VWA8: variants seen among roughly 807,000 people sequenced by gnomAD.
VWA8 encodes the protein von Willebrand factor A domain-containing protein 8.
In VWA8, 221 loss-of-function variants were observed where a neutral mutation model predicts 241.5. That is an observed-to-expected ratio of 0.91 (90% confidence interval 0.82 to 1.02). The LOEUF is 1.02. Ranked by LOEUF, VWA8 falls within the 50% of genes least tolerant of loss-of-function variation. VWA8 has a pLI of 0.00. For synonymous variants in VWA8, 852 were observed against 827.1 expected (o/e 1.03, Z -0.52); for missense variants, 2,322 against 2,328.7 (o/e 1.00, Z 0.06).
intron 12 of VWA8, among the ~76,000 whole-genome samples, chr13:41,860,884 C>T (rs1051142677): frequency 1.3e-5 from 2 of 152,022 alleles, no homozygotes; most frequent in African/African-American, 4.8e-5. Context: ...AAACCTGACA[C>T]AGAAACAGTA....
intron 36 of VWA8, among the ~76,000 whole-genome samples, chr13:41,673,096 T>C (rs1034277927): frequency 6.6e-6 from 1 of 152,204 alleles, no homozygotes; most frequent in Admixed American, 6.5e-5. Flanking sequence ...TTAAAGAATG[T>C]TTTCCTTATA....
At chr13:41,635,741 C>T (rs922057104) in intron 37 of VWA8, among the ~76,000 whole-genome samples, 4 of 152,020 alleles carry the variant, frequency 2.6e-5, no homozygotes, top group African/African-American at 9.7e-5. Context: ...AGCTCCTACC[C>T]CAGAGGCTAG....
At chr13:41,704,929 A>G (rs980922536) in intron 26 of VWA8, among the ~76,000 whole-genome samples, 3 of 152,236 alleles carry the variant, frequency 2.0e-5, no homozygotes, top group Non-Finnish European at 2.9e-5. Context: ...GATGATCATT[A>G]AAAGAACACG....
chr13:41,787,898 A>G (rs1869278664), intron 17 of VWA8, among the ~76,000 whole-genome samples: 1 of 152,208 alleles, frequency 6.6e-6, no homozygotes, highest in African/African-American at 2.4e-5. Flanking sequence ...AAACAACAAC[A>G]CTTGGCTGTT....
At chr13:41,735,067 A>G (rs1275015485) in intron 21 of VWA8, among the ~76,000 whole-genome samples, 8 of 152,218 alleles carry the variant, frequency 5.3e-5, no homozygotes, top group Non-Finnish European at 1.2e-4. Context: ...GTTTAATTAA[A>G]CTTACTTATA....
chr13:41,614,244 C>T (rs2044607160), intron 38 of VWA8, among the ~76,000 whole-genome samples: 1 of 152,226 alleles, frequency 6.6e-6, no homozygotes, highest in Non-Finnish European at 1.5e-5. Flanking sequence ...CCAAGAGGCA[C>T]AGACCATCCT....
At chr13:41,777,253 CAAAAGGGAGAT>C (rs1476353859) in intron 20 of VWA8, among the ~76,000 whole-genome samples, 1 of 152,000 alleles carries the variant, frequency 6.6e-6, no homozygotes, top group Non-Finnish European at 1.5e-5. Context: ...ACTAGTATGA[CAAAAGGGAGAT>C]AAAAGGGAGT....
chr13:41,745,393 G>C (rs2045597865), intron 21 of VWA8, among the ~76,000 whole-genome samples: 1 of 151,948 alleles, frequency 6.6e-6, no homozygotes, highest in African/African-American at 2.4e-5. Flanking sequence ...TGTGGTGTTT[G>C]GTTTTCTGTC....
intron 9 of VWA8, among the ~76,000 whole-genome samples, chr13:41,870,778 C>T (rs1873562394): frequency 6.6e-6 from 1 of 152,070 alleles, no homozygotes; most frequent in Non-Finnish European, 1.5e-5. Context: ...TCAGAGGACA[C>T]ATATTCCAGA....
intron 12 of VWA8, among the ~76,000 whole-genome samples, chr13:41,859,290 C>T (rs1050150228): frequency 5.3e-5 from 8 of 151,944 alleles, no homozygotes; most frequent in Non-Finnish European, 1.2e-4. Flanking sequence ...AAAATATTTC[C>T]ACTATATTTG....
rs770909963 is a variant in VWA8 at position 41,949,904 on chromosome 13, TATTC to T, written c.241+28_241+31del. 4 of 1,302,908 alleles carry T rather than the reference TATTC, an allele frequency of 3.1e-6. No homozygotes were observed. In the East Asian group the frequency reaches 7.7e-5, roughly 25 times the overall value. 80.7% of individuals were successfully genotyped at this position (1,302,908 alleles called of 1,614,324 possible). Reference sequence around the variant, plus strand: ...ATTCCTATAATGAAAAGTTAAAAGTTATTCATTCATATATTAATAAATATTTCTT... The same window carrying T: ...ATTCCTATAATGAAAAGTTAAAAGTTATTCATATATTAATAAATATTTCTT... On this transcript the variant is annotated intron_variant, in intron 2 of 44. Transcript: ENST00000379310.
At chr13:41,935,744 G>T (rs981917722) in intron 2 of VWA8, among the ~76,000 whole-genome samples, 5 of 151,450 alleles carry the variant, frequency 3.3e-5, no homozygotes, top group Non-Finnish European at 7.4e-5. Context: ...ACCTATAAAG[G>T]TGCTTCAAAT....
intron 33 of VWA8, among the ~76,000 whole-genome samples, chr13:41,689,929 T>G (rs909830439): frequency 2.6e-5 from 4 of 152,096 alleles, no homozygotes; most frequent in Non-Finnish European, 5.9e-5. Flanking sequence ...TAAATGTATA[T>G]AAAAATACTG....
At chr13:41,586,632 G>C (rs1192130792) in intron 42 of VWA8, among the ~76,000 whole-genome samples, 1 of 152,044 alleles carries the variant, frequency 6.6e-6, no homozygotes, top group Non-Finnish European at 1.5e-5. Flanking sequence ...GTTTCTTGTT[G>C]CCTACCTCAT....
chr13:41,580,745 G>C (rs929648681), intron 42 of VWA8, among the ~76,000 whole-genome samples: 1 of 152,184 alleles, frequency 6.6e-6, no homozygotes, highest in Non-Finnish European at 1.5e-5. Context: ...AGAAGTGCTG[G>C]CTTTGCACTG....
chr13:41,866,552 AT>A (rs1402952714), intron 10 of VWA8, among the ~76,000 whole-genome samples: 1 of 151,848 alleles, frequency 6.6e-6, no homozygotes. Context: ...AGCAGCAACT[AT>A]TTTTTCATTT....
rs150362686 is a variant in VWA8 at position 41,868,476 on chromosome 13, C to A, written c.1082G>T (p.Arg361Leu). The A allele has an allele frequency of 2.5e-6, 4 of 1,608,198 alleles. 1 individual carries two copies. In the East Asian group the frequency reaches 8.9e-5, roughly 36 times the overall value. ...GCTTCCTGAATCTTGAAGTTCAAAG[C>A]GCTGTAAAATTACAAGAAAATCATG... The part of the protein sequence containing the change: ...GKMAVEGVLK[R>L]FELQDSGSSL... The change falls in exon 10 of 45, where the codon CGC becomes CTC. Residue 361 changes from arginine to leucine, a missense_variant and splice_region_variant. By Grantham distance (102) the Arg-to-Leu change is moderately radical (BLOSUM62 -2). Transcript: ENST00000379310.
intron 4 of VWA8, among the ~76,000 whole-genome samples, chr13:41,898,323 G>T (rs1448896944): frequency 3.4e-4 from 51 of 150,058 alleles, no homozygotes; most frequent in Non-Finnish European, 5.6e-4. Context: ...AGTGCCAATT[G>T]GTGTATTTAC....
rs148830638 is a variant in VWA8 at position 41,778,017 on chromosome 13, G to T, written c.2317C>A (p.Leu773Ile). ...VMEDMLKDFL[L>I]GEHLLLVGNQ... is the part of the protein sequence containing the mutation. Reference sequence around the variant, plus strand: ...CCAACCAATAATAAGTGTTCTCCAAGGAGAAAGTCTTTCAGCATATCTTCC... The same window carrying T: ...CCAACCAATAATAAGTGTTCTCCAATGAGAAAGTCTTTCAGCATATCTTCC... The change falls in exon 20 of 45, where the codon CTT becomes ATT. Residue 773 changes from leucine (L) to isoleucine (I), a missense_variant. Coordinates refer to ENST00000379310, the MANE Select transcript of VWA8 (RefSeq NM_015058.2). 4.3e-6 allele frequency: 7 copies of T among 1,611,366 alleles called. No homozygotes were observed. The African/African-American group carries it at 9.4e-5, about 22-fold the overall frequency.
Sources: gnomAD v4.1 joint callset for allele counts (sites outside exome capture counted in the v4.1 genomes callset) on GRCh38, gnomAD v4.1.1 for gene constraint, MANE v1.5 for transcripts, NCBI Gene and HGNC (gene_info 2026-07-23, HGNC 2026-07-21) for gene names.